Variants in TCP11L2 observed in about 807,000 individuals in gnomAD.
TCP11L2 encodes the protein T-complex protein 11-like protein 2.
In TCP11L2, 39 loss-of-function variants were observed where a neutral mutation model predicts 50.7. The ratio of observed to expected loss-of-function variants is 0.77; its 90% CI spans 0.60 to 1.01. TCP11L2 has a LOEUF of 1.01. Ranked by LOEUF, TCP11L2 falls within the 50% of genes least tolerant of loss-of-function variation. The probability of loss-of-function intolerance (pLI) is 0.00; values close to 1 mark genes in which losing one functional copy is unlikely to be tolerated. For synonymous variants in TCP11L2, 192 were observed against 219.3 expected (o/e 0.88, Z 1.10); for missense variants, 612 against 614.7 (o/e 1.00, Z 0.05).
chr12:106,313,705 C>T (rs1470147079), intron 2 of TCP11L2, among the ~76,000 whole-genome samples: 1 of 151,152 alleles, frequency 6.6e-6, no homozygotes, highest in East Asian at 1.9e-4. Context: ...TTATCAATTT[C>T]CTATATAATA....
intron 2 of TCP11L2, among the ~76,000 whole-genome samples, chr12:106,312,086 A>G (rs927684040): frequency 6.6e-6 from 1 of 152,190 alleles, no homozygotes; most frequent in Non-Finnish European, 1.5e-5. Context: ...TATCCTTCAC[A>G]TAGACATATG....
chr12:106,306,890 A>T (rs1215241982), intron 1 of TCP11L2, among the ~76,000 whole-genome samples: 1 of 152,216 alleles, frequency 6.6e-6, no homozygotes, highest in African/African-American at 2.4e-5. Context: ...CAATGTTCTT[A>T]TGGCTTCAGT....
At chr12:106,307,698 C>T (rs540898487) in intron 1 of TCP11L2, among the ~76,000 whole-genome samples, 4 of 152,268 alleles carry the variant, frequency 2.6e-5, no homozygotes, top group African/African-American at 9.6e-5. Flanking sequence ...GTCTGTCAAA[C>T]AAGTGCCAAG....
At chr12:106,301,298 T>C (rs919740220), upstream of TCP11L2, among the ~76,000 whole-genome samples, 2 of 152,192 alleles carry the variant, frequency 1.3e-5, no homozygotes, top group Non-Finnish European at 2.9e-5. Flanking sequence ...TTTATACAGA[T>C]CACCAGCTAA....
intron 4 of TCP11L2, 44 bp downstream of exon 4, chr12:106,318,508 G>C: frequency 6.2e-7 from 1 of 1,607,410 alleles, no homozygotes; most frequent in Non-Finnish European, 8.5e-7. Flanking sequence ...CTTACTCCAG[G>C]TGGGCTGCTA....
chr12:106,316,963 C>T (rs1202310334), intron 3 of TCP11L2, among the ~76,000 whole-genome samples: 2 of 152,104 alleles, frequency 1.3e-5, no homozygotes, highest in East Asian at 1.9e-4. Context: ...ATAGTGAAGG[C>T]ATTTTAGGCT....
intron 6 of TCP11L2, among the ~76,000 whole-genome samples, chr12:106,326,721 G>T (rs573449445): frequency 6.6e-6 from 1 of 152,170 alleles, no homozygotes; most frequent in Non-Finnish European, 1.5e-5. Flanking sequence ...GACTCAAAGC[G>T]TGTGCATTTA....
chr12:106,322,128 TA>T (rs1227478660), intron 5 of TCP11L2, among the ~76,000 whole-genome samples: 2 of 152,202 alleles, frequency 1.3e-5, no homozygotes, highest in Admixed American at 1.3e-4. Context: ...ACATAAACCC[TA>T]AATTCTCAGT....
chr12:106,302,480 C>A (rs991479258), upstream of TCP11L2, among the ~76,000 whole-genome samples: 1 of 150,538 alleles, frequency 6.6e-6, no homozygotes, highest in Admixed American at 6.6e-5. Flanking sequence ...GCGCTCCCGT[C>A]GGCTCGGCGG....
At position 106,346,324 on chromosome 12, in the gene TCP11L2, C is replaced by T. The variant is rs1565865062; in HGVS notation, c.1354C>T (p.Leu452Phe). ...IKLYMRRLLCLPSPQKCMPPM... is the reference protein window; with the variant it reads ...IKLYMRRLLCFPSPQKCMPPM... The stretch of plus-strand genomic sequence containing the variant: ...GCTTTACATGAGAAGGCTACTTTGT[C>T]TTCCAAGCCCTCAAAAATGCATGCC... Residue 452 changes from leucine to phenylalanine, a missense_variant, in exon 10 of 10, where the codon CTT (leucine) becomes TTT (phenylalanine). By Grantham distance (22) the Leu-to-Phe change is conservative. Coordinates refer to ENST00000299045, the MANE Select transcript of TCP11L2 (RefSeq NM_152772.3). 6.2e-7 allele frequency: 1 copy of T among 1,613,534 alleles called. No homozygotes were observed.
chr12:106,310,939 A>T, intron 1 of TCP11L2, 102 bp from the exon 2 acceptor site: 1 of 1,090,436 alleles, frequency 9.2e-7, no homozygotes, highest in Non-Finnish European at 1.3e-6. Flanking sequence ...CCTTTCCAAC[A>T]CAGTGACACT....
chr12:106,313,166 C>T lies in TCP11L2; in HGVS notation c.158-1192C>T, dbSNP rs755129078. On this transcript the variant is annotated intron_variant, in intron 2 of 9. Transcript: ENST00000299045. Reference sequence around the variant, plus strand: ...TCTTCTTTACTTAAATTATCTCATTCGGTCACCTCAGGCCAACCCTGTGAG... The same window carrying T: ...TCTTCTTTACTTAAATTATCTCATTTGGTCACCTCAGGCCAACCCTGTGAG... Among the ~76,000 whole-genome samples the T allele has an allele frequency of 1.3e-3, 200 of 152,244 alleles. 2 individuals carry two copies. The highest frequency in any genetic ancestry group is 1.3e-3 in the Non-Finnish European group (87 of 68,014).
chr12:106,302,218 C>G (rs1186135472), upstream of TCP11L2, among the ~76,000 whole-genome samples: 1 of 152,104 alleles, frequency 6.6e-6, no homozygotes, highest in Non-Finnish European at 1.5e-5. Context: ...CAGTGTGGTC[C>G]ACGCCAGTGC....
At chr12:106,305,611 G>A (rs1177508789) in intron 1 of TCP11L2, among the ~76,000 whole-genome samples, 2 of 152,224 alleles carry the variant, frequency 1.3e-5, no homozygotes, top group African/African-American at 2.4e-5. Context: ...GGAGTGTGGC[G>A]TAATTAGTTC....
rs371083476 is a variant in TCP11L2, at chr12:106,321,474, C to A, written c.415-12C>A. 2 of 1,600,380 alleles carry A rather than the reference C, an allele frequency of 1.2e-6. No homozygotes were observed. The highest frequency in any genetic ancestry group is 2.7e-5 in the African/African-American group (2 of 74,848). Reference sequence around the variant, plus strand: ...ATCATGATGCTGTTAATTTTTATTTCTTTCCCTGTAGATTCTTCTCTCTTT... The same window carrying A: ...ATCATGATGCTGTTAATTTTTATTTATTTCCCTGTAGATTCTTCTCTCTTT... On this transcript the variant is annotated splice_polypyrimidine_tract_variant and intron_variant, in intron 4 of 9. Coordinates refer to ENST00000299045, the MANE Select transcript of TCP11L2 (RefSeq NM_152772.3).
intron 9 of TCP11L2, among the ~76,000 whole-genome samples, chr12:106,342,032 C>T (rs2036106492): frequency 6.6e-6 from 1 of 152,020 alleles, no homozygotes; most frequent in Non-Finnish European, 1.5e-5. Flanking sequence ...GTATTGTGGC[C>T]ATAAGGAAGG....
At chr12:106,303,631 G>C (rs2034512415) in intron 1 of TCP11L2, 1 of 152,274 alleles carries the variant, frequency 6.6e-6, no homozygotes, top group African/African-American at 2.4e-5. Context: ...AGCTGCTACT[G>C]TAGGTGGCAC....
intron 4 of TCP11L2, among the ~76,000 whole-genome samples, chr12:106,321,030 T>A (rs2035315716): frequency 6.6e-6 from 1 of 152,156 alleles, no homozygotes; most frequent in African/African-American, 2.4e-5. Context: ...ATATTAGAAG[T>A]GTTTGGGGTC....
At chr12:106,303,174 G>C (rs1228426916) in intron 1 of TCP11L2, 2 of 152,252 alleles carry the variant, frequency 1.3e-5, no homozygotes, top group Admixed American at 1.3e-4. Flanking sequence ...GGGGCACCGA[G>C]TGGCCGCCCC....
Sources: gnomAD v4.1 joint callset for allele counts (sites outside exome capture counted in the v4.1 genomes callset) on GRCh38, gnomAD v4.1.1 for gene constraint, MANE v1.5 for transcripts, NCBI Gene and HGNC (gene_info 2026-07-23, HGNC 2026-07-21) for gene names.